The following SLC44A1 variants were observed in gnomAD, a reference collection of about 807,000 sequenced individuals.
The protein encoded by SLC44A1 is choline transporter-like protein 1.
In SLC44A1, 26 loss-of-function variants were observed where a neutral mutation model predicts 79.3. The ratio of observed to expected loss-of-function variants is 0.33; its 90% CI spans 0.24 to 0.46. The LOEUF is 0.46. Ranked by LOEUF, SLC44A1 falls within the 20% of genes least tolerant of loss-of-function variation. The pLI, the probability that SLC44A1 is intolerant of heterozygous loss-of-function variation, is 1.00. For missense variants in SLC44A1, 688 were observed against 798.1 expected (o/e 0.86, Z 1.66); for synonymous variants, 263 against 286.2 (o/e 0.92, Z 0.82).
At chr9:105,246,529 T>C (rs1383921594) in intron 1 of SLC44A1, among the ~76,000 whole-genome samples, 1 of 152,168 alleles carries the variant, frequency 6.6e-6, no homozygotes, top group Non-Finnish European at 1.5e-5. Flanking sequence ...AGGCTTGGTA[T>C]ATCAGAGTTT....
At position 105,438,156 on chromosome 9, in the gene SLC44A1, C is replaced by T. The variant is rs547736976; in HGVS notation, c.1951-125C>T. On this transcript the variant is annotated intron_variant, in intron 15 of 15. Transcript: ENST00000374724. ...TGTGTGTGTGTGTGTGTGTGTGTAG[C>T]CTTCTTACATTTCATAATGTTTTCT... 4.3e-6 allele frequency: 3 copies of T among 694,020 alleles called. No individual in the cohort carries two copies. In the South Asian group the frequency reaches 5.3e-5, roughly 12 times the overall value. 43.0% of individuals were successfully genotyped at this position (694,020 alleles called of 1,614,324 possible). A position where few individuals can be genotyped will look rare whatever the true frequency, so the allele number is the denominator to read the frequency against.
chr9:105,312,980 C>A (rs1377380825), intron 3 of SLC44A1, among the ~76,000 whole-genome samples: 2 of 152,154 alleles, frequency 1.3e-5, no homozygotes, highest in Admixed American at 1.3e-4. Context: ...CCCACTCAGC[C>A]CTGCCCTTCC....
intron 1 of SLC44A1, among the ~76,000 whole-genome samples, chr9:105,268,887 T>C (rs1830020069): frequency 6.6e-6 from 1 of 152,240 alleles, no homozygotes; most frequent in South Asian, 2.1e-4. Flanking sequence ...TGTTGCCTTA[T>C]GTTGAATTCG....
At position 105,420,721 on chromosome 9, in the gene SLC44A1, C is replaced by T. The variant is rs192457386; in HGVS notation, c.1951-17560C>T. Among the ~76,000 whole-genome samples, 7 of 151,940 alleles carry T rather than the reference C, an allele frequency of 4.6e-5. No individual in the cohort carries two copies. The East Asian group carries it at 1.2e-3, about 25-fold the overall frequency. On this transcript the variant is annotated intron_variant, in intron 15 of 15. Coordinates refer to the SLC44A1 transcript ENST00000374724. ...TACTAAAAATACAAAATTAGCCGGG[C>T]GTGGTGACACATGCCTGTAATCACA...
At chr9:105,270,180 C>T (rs549875371) in intron 1 of SLC44A1, among the ~76,000 whole-genome samples, 2 of 152,282 alleles carry the variant, frequency 1.3e-5, no homozygotes, top group South Asian at 2.1e-4. Flanking sequence ...AGTGATGTTT[C>T]GTGCATGATC....
intron 3 of SLC44A1, among the ~76,000 whole-genome samples, chr9:105,324,868 G>T (rs1344556825): frequency 6.6e-6 from 1 of 152,240 alleles, no homozygotes; most frequent in East Asian, 1.9e-4. Context: ...TGGTGAGAAT[G>T]TGGAGAAATT....
chr9:105,325,279 A>G (rs190248534), intron 3 of SLC44A1, among the ~76,000 whole-genome samples: 1 of 152,348 alleles, frequency 6.6e-6, no homozygotes, highest in African/African-American at 2.4e-5. Flanking sequence ...TTTATATGAA[A>G]TGTATAGAAT....
rs1005552688 is a variant in SLC44A1, at chr9:105,395,764, TA to T, written c.*6717del. The T allele has an allele frequency of 3.3e-5, 32 of 966,508 alleles. No individual in the cohort carries two copies. Among genetic ancestry groups the T allele is most frequent in the Admixed American group, 6.2e-5 (1 of 16,148 alleles). The allele number at this position is 966,508 out of a possible 1,614,324, so 59.9% of individuals were successfully genotyped here. On this transcript the variant is annotated 3_prime_UTR_variant, in exon 16 of 16. Transcript: ENST00000374720. ...AGGAGCATGTGTTAAATCATATGAG[TA>T]AAAAAAAAGTAGACATTGAAAAGAA...
At chr9:105,307,870 C>T (rs10991617) in intron 2 of SLC44A1, among the ~76,000 whole-genome samples, 23,046 of 151,952 alleles carry the variant, frequency 0.15, 2,446 homozygotes, top group African/African-American at 0.3. Context: ...GTGGGATTGA[C>T]TGCCCTGTAG....
intron 15 of SLC44A1, chr9:105,386,174 A>G (rs771006348): frequency 1.4e-4 from 136 of 982,144 alleles, no homozygotes; most frequent in Non-Finnish European, 1.6e-4. Flanking sequence ...ACACAAATAT[A>G]TCTCTCTACT....
At chr9:105,438,335 T>G (rs1299944246) in exon 16 of SLC44A1, 2 of 1,535,414 alleles carry the variant, frequency 1.3e-6, no homozygotes, top group Non-Finnish European at 1.8e-6. Context: ...CAGAGGAGGT[T>G]GTTTACATGA....
intron 1 of SLC44A1, among the ~76,000 whole-genome samples, chr9:105,281,674 G>T (rs930194838): frequency 1.3e-5 from 2 of 152,166 alleles, no homozygotes; most frequent in East Asian, 3.8e-4. Context: ...TTCTACAGTG[G>T]ATGACTACTA....
At chr9:105,401,925 A>G (rs1346141910), downstream of SLC44A1, among the ~76,000 whole-genome samples, 1 of 152,162 alleles carries the variant, frequency 6.6e-6, no homozygotes, top group Non-Finnish European at 1.5e-5. Flanking sequence ...AGCACACAGG[A>G]AGGTGTTGAG....
At chr9:105,328,869 C>A (rs1826663753) in intron 3 of SLC44A1, among the ~76,000 whole-genome samples, 1 of 152,032 alleles carries the variant, frequency 6.6e-6, no homozygotes, top group South Asian at 2.1e-4. Context: ...AAAGGCACAC[C>A]CCTGTCAGCA....
rs1423331765 is a variant in SLC44A1 at position 105,385,450 on chromosome 9, T to A, written c.1898T>A (p.Met633Lys). ...MEFVENSRKAMKEAGKGGVAD... is the reference protein window; with the variant it reads ...MEFVENSRKAKKEAGKGGVAD... ...TTTGTGGAAAACAGTAGGAAAGCAA[T>A]GAAAGAAGCTGGTAAGGGAGGCGTC... Residue 633 changes from methionine to lysine, a missense_variant, in exon 15 of 16, where the codon ATG becomes AAG. Transcript: ENST00000374720. 1.3e-6 allele frequency: 2 copies of A among 1,587,084 alleles called. No homozygotes were observed. The highest frequency in any genetic ancestry group is 1.2e-5 in the South Asian group (1 of 86,480).
chr9:105,421,139 C>T (rs2131515745), intron 15 of SLC44A1, among the ~76,000 whole-genome samples: 1 of 152,184 alleles, frequency 6.6e-6, no homozygotes, highest in South Asian at 2.1e-4. Flanking sequence ...CCTTATAAAA[C>T]AATACCTGGA....
At chr9:105,254,686 T>C (rs1481602880) in intron 1 of SLC44A1, among the ~76,000 whole-genome samples, 17 of 152,338 alleles carry the variant, frequency 1.1e-4, no homozygotes, top group Admixed American at 9.8e-4. Flanking sequence ...GCTCAAGCCA[T>C]TGCTGAAACC....
chr9:105,410,766 C>A (rs1829084467), intron 15 of SLC44A1, among the ~76,000 whole-genome samples: 1 of 151,938 alleles, frequency 6.6e-6, no homozygotes, highest in Admixed American at 6.6e-5. Context: ...TTCACGATAA[C>A]CAAAAAGTAG....
In SLC44A1 at chr9:105,390,407, T is replaced by C. The variant is rs997366085; in HGVS notation, c.*1351T>C. The stretch of plus-strand genomic sequence containing the variant: ...TTTCAGAGCAAATTTTTTAAACTTA[T>C]TGCACTAAATACAGGCTCTGTACAA... On this transcript the variant is annotated 3_prime_UTR_variant, in exon 16 of 16. Transcript: ENST00000374720. 1 of 968,298 alleles carries C rather than the reference T, an allele frequency of 1.0e-6. No individual in the cohort carries two copies. 60.0% of individuals were successfully genotyped at this position (968,298 alleles called of 1,614,324 possible). A position where few individuals can be genotyped will look rare whatever the true frequency, so the allele number is the denominator to read the frequency against.
Sources: gnomAD v4.1 joint callset for allele counts (sites outside exome capture counted in the v4.1 genomes callset) on GRCh38, gnomAD v4.1.1 for gene constraint, MANE v1.5 for transcripts, NCBI Gene and HGNC (gene_info 2026-07-23, HGNC 2026-07-21) for gene names.